Variants in CAPN10 observed in about 807,000 individuals in gnomAD.
CAPN10 encodes the protein calpain 10, also known as calpain-10.
A neutral mutation model predicts 78.4 loss-of-function variants in CAPN10; 71 were observed. That is an observed-to-expected ratio of 0.91 (90% CI 0.75 to 1.10). The LOEUF (loss-of-function observed/expected upper bound fraction) is 1.10. Ranked by LOEUF, CAPN10 falls within the 50% of genes least tolerant of loss-of-function variation. The pLI is 0.00. For missense variants in CAPN10, 849 were observed against 924.6 expected, an observed-to-expected ratio of 0.92 and a Z score of 1.06; for synonymous variants, 437 against 407.2, an observed-to-expected ratio of 1.07 and a Z score of -0.88.
At chr2:240,591,104 G>A in intron 3 of CAPN10, 93 bp downstream of exon 3, 1 of 1,170,824 alleles carries the variant, frequency 8.5e-7, no homozygotes, top group Non-Finnish European at 1.2e-6. Flanking sequence ...CTCACTCTGG[G>A]CTGCAGAGCC....
chr2:240,590,555 C>G (rs1356319359), intron 2 of CAPN10: 1 of 454,226 alleles, frequency 2.2e-6, no homozygotes, highest in African/African-American at 2.0e-5. Context: ...GCGCCGACAT[C>G]CAGGTGTGCC....
chr2:240,588,355 A>G (rs571625421), intron 1 of CAPN10, among the ~76,000 whole-genome samples: 2 of 152,200 alleles, frequency 1.3e-5, no homozygotes, highest in South Asian at 4.1e-4. Context: ...GTATCAGTAA[A>G]GAAGAAGGGG....
rs756062111 is a variant in CAPN10 at position 240,590,815 on chromosome 2, G to A, written c.274G>A (p.Val92Ile). ...TTTTGCTTCTCCCTGTGCATGGCAGGTCATTCCTCCGGGACAGCCGAGCTG... is the reference window on the plus strand; with the variant it reads ...TTTTGCTTCTCCCTGTGCATGGCAGATCATTCCTCCGGGACAGCCGAGCTG... ...LQKSRHLLDQ[V>I]IPPGQPSWAD... is the part of the protein sequence containing the mutation. Residue 92 changes from valine (V) to isoleucine (I), a missense_variant and splice_region_variant, in exon 3 of 12, where the codon GTC becomes ATC. Val to Ile is a conservative substitution (Grantham distance 29, BLOSUM62 3). Coordinates refer to ENST00000391984, the MANE Select transcript of CAPN10 (RefSeq NM_023083.4). The A allele has an allele frequency of 3.7e-6, 6 of 1,613,974 alleles. No individual in the cohort carries two copies. Among genetic ancestry groups the A allele is most frequent in the Non-Finnish European group, 5.1e-6 (6 of 1,179,890 alleles).
In CAPN10 at chr2:240,591,988, G is replaced by A. The variant is rs1051588191; in HGVS notation, c.526G>A (p.Asp176Asn). ...WAGQVADALV[D>N]LTGGLAERWN... is the part of the protein sequence containing the mutation. ...CGGGCAGGTGGCGGATGCCCTGGTG[G>A]ACCTGACCGGCGGCCTGGCAGAAAG... The change falls in exon 4 of 12, where the codon GAC becomes AAC. Residue 176 changes from aspartate to asparagine, a missense_variant. Transcript: ENST00000391984. The A allele has an allele frequency of 6.2e-7, 1 of 1,613,384 alleles. No individual in the cohort carries two copies. The highest frequency in any genetic ancestry group is 1.3e-5 in the African/African-American group (1 of 74,942).
chr2:240,596,495 C>G lies in CAPN10; in HGVS notation c.1455C>G (p.Val485=). The part of the protein sequence containing the change: ...KDAPGEFLLR[V]FSTGRVSLSA... Reference sequence around the variant, plus strand: ...CGCCAGGGGAGTTCCTGCTCCGAGTCTTCTCTACCGGGCGAGTCTCCCTTA... The same window carrying G: ...CGCCAGGGGAGTTCCTGCTCCGAGTGTTCTCTACCGGGCGAGTCTCCCTTA... The change falls in exon 8 of 12, where the codon GTC becomes GTG. Residue 485 remains valine, a synonymous_variant. Transcript: ENST00000391984. The G allele has an allele frequency of 6.2e-7, 1 of 1,610,666 alleles. No homozygotes were observed. Among genetic ancestry groups the G allele is most frequent in the South Asian group, 1.1e-5 (1 of 90,924 alleles).
intron 7 of CAPN10, 96 bp from the exon 8 acceptor site, chr2:240,596,223 A>G (rs1353693977): frequency 6.7e-7 from 1 of 1,483,274 alleles, no homozygotes; most frequent in Non-Finnish European, 9.0e-7. Context: ...TCATCTGTCA[A>G]CTCCAGAGGC....
rs188956232 is a variant in CAPN10 at position 240,592,482 on chromosome 2, T to C, written c.688+332T>C. ...CAAAACCTGTTTTTTATTTTAGTGA[T>C]AGATAACATTCGTTAAAAACAGTTT... On this transcript the variant is annotated intron_variant, in intron 4 of 11. Coordinates refer to ENST00000391984, the MANE Select transcript of CAPN10 (RefSeq NM_023083.4). 3,120 of 561,036 alleles carry C rather than the reference T, an allele frequency of 5.6e-3. 38 individuals are homozygous for C. The highest frequency in any genetic ancestry group is 4.0e-3 in the Non-Finnish European group (1,142 of 285,956). 34.8% of individuals were successfully genotyped at this position (561,036 alleles called of 1,614,324 possible).
intron 4 of CAPN10, among the ~76,000 whole-genome samples, chr2:240,593,541 A>G (rs11680323): frequency 0.063 from 9,612 of 152,262 alleles, 425 homozygotes; most frequent in Non-Finnish European, 0.097. Flanking sequence ...CACTCTCTAG[A>G]TTTCTGGCAG....
Position 240,595,260 on chromosome 2 carries a change from A to G in CAPN10, c.1234A>G (p.Ile412Val), listed in dbSNP as rs889625559. ...DSHTSWSPASIPGKHYQAVGL... is the reference protein window; with the variant it reads ...DSHTSWSPASVPGKHYQAVGL... Reference sequence around the variant, plus strand: ...TCATACTTCGTGGAGCCCAGCGAGCATCCCGGGCAAGCACTACCAGGCTGT... The same window carrying G: ...TCATACTTCGTGGAGCCCAGCGAGCGTCCCGGGCAAGCACTACCAGGCTGT... The change falls in exon 7 of 12, where the codon ATC (isoleucine) becomes GTC (valine). Residue 412 changes from isoleucine to valine, a missense_variant. Physicochemically the swap from Ile to Val is conservative, Grantham distance 29. Coordinates refer to ENST00000391984, the MANE Select transcript of CAPN10 (RefSeq NM_023083.4). 1.9e-6 allele frequency: 3 copies of G among 1,613,496 alleles called. No individual in the cohort carries two copies. In the African/African-American group the frequency reaches 4.0e-5, roughly 22 times the overall value.
At chr2:240,595,955 CTG>C in intron 7 of CAPN10, 1 of 1,356,836 alleles carries the variant, frequency 7.4e-7, no homozygotes, top group Non-Finnish European at 9.8e-7. Context: ...TGGCACCACA[CTG>C]TTCCCTGTCC....
intron 2 of CAPN10, chr2:240,589,696 G>A: frequency 1.7e-6 from 1 of 590,214 alleles, no homozygotes; most frequent in Non-Finnish European, 2.9e-6. Flanking sequence ...GGCTCCATCA[G>A]GGAGGTTCGC....
chr2:240,591,263 G>A (rs757311426), intron 3 of CAPN10: 6 of 494,254 alleles, frequency 1.2e-5, no homozygotes, highest in Non-Finnish European at 2.2e-5. Context: ...TCTCCACAGA[G>A]AACATGTGTG....
intron 2 of CAPN10, 132 bp downstream of exon 2, chr2:240,589,606 G>A: frequency 1.7e-6 from 2 of 1,194,282 alleles, no homozygotes; most frequent in Non-Finnish European, 2.3e-6. Flanking sequence ...TTGGGGGAAG[G>A]CAGGAGAGTT....
chr2:240,587,197 C>T (rs1322867038), intron 1 of CAPN10, 145 bp downstream of exon 1: 3 of 416,062 alleles, frequency 7.2e-6, no homozygotes, highest in Non-Finnish European at 1.3e-5. Flanking sequence ...GCCCGGCCCC[C>T]TCTTTTCGTA....
Position 240,594,027 on chromosome 2 carries a change from G to A in CAPN10, c.810G>A (p.Trp270Ter). Residue 270 changes from tryptophan to a stop codon, truncating the protein, a stop_gained, in exon 5 of 12, where the codon TGG becomes TGA. Coordinates refer to ENST00000391984, the MANE Select transcript of CAPN10 (RefSeq NM_023083.4). LOFTEE classifies it high-confidence loss of function. Reference protein sequence around the residue: ...RIQNPWGRRCWQGLWREGGEG... With the variant: ...RIQNPWGRRC ...AGAACCCCTGGGGCCGGCGGTGCTG[G>A]CAGGGGCTCTGGAGAGAGGGGTGAG... 1 of 1,607,212 alleles carries A rather than the reference G, an allele frequency of 6.2e-7. No individual in the cohort carries two copies. The highest frequency in any genetic ancestry group is 8.5e-7 in the Non-Finnish European group (1 of 1,176,034).
chr2:240,590,130 C>G (rs1044018837), intron 2 of CAPN10: 2 of 152,094 alleles, frequency 1.3e-5, no homozygotes, highest in African/African-American at 2.4e-5. Flanking sequence ...TTTTTTTAAA[C>G]GAGAGTGCTA....
intron 5 of CAPN10, 92 bp downstream of exon 5, chr2:240,594,139 G>A: frequency 7.5e-7 from 1 of 1,341,854 alleles, no homozygotes; most frequent in Non-Finnish European, 1.0e-6. Flanking sequence ...TGTCAGGACT[G>A]TACTTGGCTG....
At chr2:240,587,391 C>G (rs1046927477) in intron 1 of CAPN10, among the ~76,000 whole-genome samples, 3 of 152,238 alleles carry the variant, frequency 2.0e-5, no homozygotes, top group Non-Finnish European at 2.9e-5. Flanking sequence ...GCGTTTGTGT[C>G]TGCTCCTCCC....
At position 240,598,390 on chromosome 2, in the gene CAPN10, T is replaced by C; in HGVS notation, c.1982T>C (p.Leu661Pro). 6.2e-7 allele frequency: 1 copy of C among 1,613,722 alleles called. No individual in the cohort carries two copies. The highest frequency in any genetic ancestry group is 8.5e-7 in the Non-Finnish European group (1 of 1,179,986). Residue 661 changes from leucine (L) to proline (P), a missense_variant, in exon 11 of 12, where the codon CTC becomes CCC. By Grantham distance (98) the Leu-to-Pro change is moderately conservative. Coordinates refer to ENST00000391984, the MANE Select transcript of CAPN10 (RefSeq NM_023083.4). ...AGCCAGGAGATGCTGGGCCAGTTCC[T>C]CCAAGAGGTGTGTATGCAGCCCCGC... The part of the protein sequence containing the change: ...IHSQEMLGQF[L>P]QEVSIMAVMK...
Sources: gnomAD v4.1 joint callset for allele counts (sites outside exome capture counted in the v4.1 genomes callset) on GRCh38, gnomAD v4.1.1 for gene constraint, MANE v1.5 for transcripts, NCBI Gene and HGNC (gene_info 2026-07-23, HGNC 2026-07-21) for gene names.